RAB35: variants seen among roughly 807,000 people sequenced by gnomAD.
The protein encoded by RAB35 is RAB35, member RAS oncogene family.
Under a neutral mutation model 28.9 loss-of-function variants are expected in RAB35, and 4 were observed. The ratio of observed to expected loss-of-function variants is 0.14; its 90% confidence interval spans 0.07 to 0.32. The LOEUF (loss-of-function observed/expected upper bound fraction) is 0.32, where lower values mean the gene tolerates loss of function less well. RAB35 is among the 10% of genes least tolerant of loss of function. RAB35 has a pLI of 1.00. For missense variants in RAB35, 128 were observed against 274.0 expected (o/e 0.47, Z 3.76); for synonymous variants, 99 against 105.1 (o/e 0.94, Z 0.35).
intron 4 of RAB35, 44 bp from the exon 5 acceptor site, chr12:120,098,979 C>A: frequency 6.2e-7 from 1 of 1,613,910 alleles, no homozygotes; most frequent in Non-Finnish European, 8.5e-7. Context: ...GGGGCGCAGC[C>A]GGCTGCCTCT....
chr12:120,108,403 A>C lies in RAB35; in HGVS notation c.103+14T>G, dbSNP rs1875977318. 6.2e-7 allele frequency: 1 copy of C among 1,608,928 alleles called. No homozygotes were observed. Among genetic ancestry groups the C allele is most frequent in the South Asian group, 1.1e-5 (1 of 90,966 alleles). On this transcript the variant is annotated intron_variant, in intron 2 of 5. Coordinates refer to ENST00000229340, the MANE Select transcript of RAB35 (RefSeq NM_006861.7). ...AAAAACGACACCCCAGCAGCACTGC[A>C]GGGGAGGACTCACCTGAGAAAGTGT...
chr12:120,105,542 G>T (rs936162100), intron 2 of RAB35, among the ~76,000 whole-genome samples: 1 of 152,174 alleles, frequency 6.6e-6, no homozygotes, highest in African/African-American at 2.4e-5. Flanking sequence ...CACAGCAGGG[G>T]GAGGGAAGTG....
intron 1 of RAB35, among the ~76,000 whole-genome samples, chr12:120,109,778 A>T (rs781482749): frequency 1.3e-5 from 2 of 151,390 alleles, no homozygotes; most frequent in Non-Finnish European, 2.9e-5. Context: ...CGCTGGGATT[A>T]CAGGCATGAG....
At chr12:120,102,410 G>A (rs1875695776) in intron 3 of RAB35, among the ~76,000 whole-genome samples, 1 of 152,148 alleles carries the variant, frequency 6.6e-6, no homozygotes, top group African/African-American at 2.4e-5. Context: ...GATTCTCACT[G>A]GCAGCTGCCA....
chr12:120,097,365 G>A lies in RAB35; in HGVS notation c.486C>T (p.Asn162=), dbSNP rs61748076. The change falls in exon 6 of 6, where the codon AAC becomes AAT. Residue 162 remains asparagine, a synonymous_variant. Coordinates refer to ENST00000229340, the MANE Select transcript of RAB35 (RefSeq NM_006861.7). ...CTCGGAGGACCAGCTCCGTGATGCAGTTGAACATCTGTGGAGAGGAAAGAG... is the reference window on the plus strand; with the variant it reads ...CTCGGAGGACCAGCTCCGTGATGCAATTGAACATCTGTGGAGAGGAAAGAG... ...KENVNVEEMF[N]CITELVLRAK... 0.073 allele frequency: 118,115 copies of A among 1,611,560 alleles called. 5,163 individuals carry two copies. Among genetic ancestry groups the A allele is most frequent in the African/African-American group, 0.18 (13,826 of 74,934 alleles).
rs1029709584 is a variant in RAB35, at chr12:120,103,051, A to G, written c.227+775T>C. 6.6e-6 allele frequency among the ~76,000 whole-genome samples: 1 copy of G among 152,178 alleles called. No individual in the cohort carries two copies. The highest frequency in any genetic ancestry group is 2.4e-5 in the African/African-American group (1 of 41,450). On this transcript the variant is annotated intron_variant, in intron 3 of 5. Coordinates refer to ENST00000229340, the MANE Select transcript of RAB35 (RefSeq NM_006861.7). The surrounding 1 kb of genome is among the most constrained non-coding windows in gnomAD (Gnocchi z 6.1). ...CAGCAGAGCACCTGGCACCCTCCACATGGAAGCCAATCCCAGAGGCAGGCC... is the reference window on the plus strand; with the variant it reads ...CAGCAGAGCACCTGGCACCCTCCACGTGGAAGCCAATCCCAGAGGCAGGCC...
chr12:120,101,737 G>A (rs1040434212), intron 3 of RAB35, among the ~76,000 whole-genome samples: 7 of 152,178 alleles, frequency 4.6e-5, no homozygotes, highest in African/African-American at 1.7e-4. Flanking sequence ...CCCCAGACAC[G>A]TGGGACGGCA....
chr12:120,107,605 G>A (rs1360157925), intron 2 of RAB35, among the ~76,000 whole-genome samples: 2 of 152,002 alleles, frequency 1.3e-5, no homozygotes, highest in African/African-American at 2.4e-5. Context: ...AGTGGCTCAC[G>A]CCTGTAATCC....
At position 120,097,001 on chromosome 12, in the gene RAB35, G is replaced by A. The variant is rs762119191; in HGVS notation, c.*244C>T. On this transcript the variant is annotated 3_prime_UTR_variant, in exon 6 of 6. Transcript: ENST00000229340. ...AGTCCGCTCGGCGGGCAGCGTCCTC[G>A]CCAGGTCCAGGCGCCTTGGCCGGGG... 6.0e-6 allele frequency: 9 copies of A among 1,498,668 alleles called. No homozygotes were observed. Among genetic ancestry groups the A allele is most frequent in the African/African-American group, 4.2e-5 (3 of 72,272 alleles). The allele number at this position is 1,498,668 out of a possible 1,614,324, so 92.8% of individuals were successfully genotyped here. A position where few individuals can be genotyped will look rare whatever the true frequency, so the allele number is the denominator to read the frequency against.
chr12:120,102,126 C>A (rs1015562272), intron 3 of RAB35, among the ~76,000 whole-genome samples: 1 of 152,224 alleles, frequency 6.6e-6, no homozygotes, highest in Admixed American at 6.5e-5. Flanking sequence ...CAGGGCCAAC[C>A]CTGAGTGCCC....
At chr12:120,102,076 G>C (rs764338911) in intron 3 of RAB35, among the ~76,000 whole-genome samples, 21 of 152,162 alleles carry the variant, frequency 1.4e-4, no homozygotes, top group Non-Finnish European at 2.8e-4. Context: ...AGGAAGGCAG[G>C]GGCGCCACCT....
rs541080751 is a variant in RAB35 at position 120,110,291 on chromosome 12, T to C, written c.53-1824A>G. On this transcript the variant is annotated intron_variant, in intron 1 of 5. Coordinates refer to ENST00000229340, the MANE Select transcript of RAB35 (RefSeq NM_006861.7). The stretch of plus-strand genomic sequence containing the variant: ...CTGTTCATGGGAGAAGCCCACAGCA[T>C]TTTTTTTTTTTTTGGAGAGATAGGG... Among the ~76,000 whole-genome samples the C allele has an allele frequency of 2.2e-4, 9 of 40,288 alleles. No individual in the cohort carries two copies. In the South Asian group the frequency reaches 0.015, roughly 68 times the overall value. The allele number at this position is 40,288 out of a possible 152,430, so 26.4% of individuals were successfully genotyped here.
chr12:120,096,882 T>TG lies in RAB35; in HGVS notation c.*362dup, dbSNP rs1289602483. The TG allele has an allele frequency of 3.8e-6, 5 of 1,311,290 alleles. No homozygotes were observed. The highest frequency in any genetic ancestry group is 2.0e-6 in the Non-Finnish European group (2 of 1,003,504). 81.2% of individuals were successfully genotyped at this position (1,311,290 alleles called of 1,614,324 possible). A position where few individuals can be genotyped will look rare whatever the true frequency, so the allele number is the denominator to read the frequency against. On this transcript the variant is annotated 3_prime_UTR_variant, in exon 6 of 6. Coordinates refer to ENST00000229340, the MANE Select transcript of RAB35 (RefSeq NM_006861.7). ...GGGGAGGGGCGCGGGGAGGGTCTGT[T>TG]GCAGCAGGCTGGCATCAAGAAGGCA...
rs770585147 is a variant in RAB35 at position 120,099,107 on chromosome 12, C to A, written c.275G>T (p.Ser92Ile). The A allele has an allele frequency of 6.2e-7, 1 of 1,614,276 alleles. No individual in the cohort carries two copies. Among genetic ancestry groups the A allele is most frequent in the African/African-American group, 1.3e-5 (1 of 75,072 alleles). The change falls in exon 4 of 6, where the codon AGT (serine) becomes ATT (isoleucine). Residue 92 changes from serine to isoleucine, a missense_variant. Physicochemically the swap from Ser to Ile is moderately radical, Grantham distance 142. Transcript: ENST00000229340. ...HGVIVVYDVT[S>I]AESFVNVKRW... ...CTTGACGTTGACAAAGGACTCGGCACTGGTGACGTCGTAAACCACAATGAC... is the reference window on the plus strand; with the variant it reads ...CTTGACGTTGACAAAGGACTCGGCAATGGTGACGTCGTAAACCACAATGAC...
At chr12:120,114,542 A>G (rs988573186) in intron 1 of RAB35, among the ~76,000 whole-genome samples, 1 of 152,254 alleles carries the variant, frequency 6.6e-6, no homozygotes, top group African/African-American at 2.4e-5. Flanking sequence ...CTCAGCTGCC[A>G]AAGCTTAGTC....
At chr12:120,102,722 G>A (rs922616566) in intron 3 of RAB35, among the ~76,000 whole-genome samples, 44 of 152,176 alleles carry the variant, frequency 2.9e-4, no homozygotes, top group African/African-American at 1.0e-3. Flanking sequence ...CGAGGGGCCC[G>A]GGGGCAGGGG....
intron 1 of RAB35, among the ~76,000 whole-genome samples, chr12:120,109,334 T>C (rs1876018246): frequency 6.6e-6 from 1 of 152,086 alleles, no homozygotes; most frequent in South Asian, 2.1e-4. Flanking sequence ...ATGCCTGTAA[T>C]CCCAGCTACT....
chr12:120,102,458 A>T (rs1266412033), intron 3 of RAB35, among the ~76,000 whole-genome samples: 1 of 152,196 alleles, frequency 6.6e-6, no homozygotes, highest in African/African-American at 2.4e-5. Context: ...CACAGGGCTC[A>T]TCAACGGTCA....
At chr12:120,108,622 G>A (rs1189618279) in intron 1 of RAB35, 155 bp from the exon 2 acceptor site, 1 of 728,420 alleles carries the variant, frequency 1.4e-6, no homozygotes, top group Middle Eastern at 2.3e-4. Flanking sequence ...TCCCTGAGCG[G>A]CCACACACCA....
Sources: allele counts gnomAD v4.1 joint callset (sites outside exome capture counted in the v4.1 genomes callset), GRCh38; gene constraint gnomAD v4.1.1; non-coding constraint Gnocchi (gnomAD v3.1); transcripts MANE v1.5; gene names NCBI Gene and HGNC (gene_info 2026-07-23, HGNC 2026-07-21).